GNAT3: variants seen among roughly 807,000 people sequenced by gnomAD.
The protein encoded by GNAT3 is guanine nucleotide-binding protein G(t) subunit alpha-3.
In GNAT3, 31 loss-of-function variants were observed where a neutral mutation model predicts 37.7. That is an observed-to-expected ratio of 0.82 (90% CI 0.62 to 1.11). GNAT3 has a LOEUF of 1.11. Ranked by LOEUF, GNAT3 falls within the 50% of genes most tolerant of loss-of-function variation. The probability of loss-of-function intolerance (pLI) is 0.00; values close to 1 mark genes in which losing one functional copy is unlikely to be tolerated. For missense variants in GNAT3, 437 were observed against 412.5 expected, an observed-to-expected ratio of 1.06 and a Z score of -0.51; for synonymous variants, 138 against 139.8, an observed-to-expected ratio of 0.99 and a Z score of 0.09.
At chr7:80,487,916 G>A (rs1382770305) in intron 3 of GNAT3, 3 of 151,986 alleles carry the variant, frequency 2.0e-5, no homozygotes, top group Non-Finnish European at 4.4e-5. Context: ...AAAGTAAGTG[G>A]ATTTCAAATA....
intron 1 of GNAT3, among the ~76,000 whole-genome samples, chr7:80,506,324 A>G (rs1221334852): frequency 1.3e-5 from 2 of 152,162 alleles, no homozygotes; most frequent in Non-Finnish European, 2.9e-5. Context: ...GTTTTACTAA[A>G]TGGTTTGCAT....
chr7:80,490,131 G>A (rs942427157), intron 2 of GNAT3, among the ~76,000 whole-genome samples: 1 of 152,106 alleles, frequency 6.6e-6, no homozygotes, highest in Admixed American at 6.6e-5. Flanking sequence ...GACATACTGT[G>A]TTATGTGTTA....
chr7:80,459,813 T>C (rs1790018712), intron 7 of GNAT3, among the ~76,000 whole-genome samples: 1 of 152,204 alleles, frequency 6.6e-6, no homozygotes, highest in Non-Finnish European at 1.5e-5. Context: ...CCATATAACA[T>C]GGCTAAAATC....
chr7:80,477,750 C>T (rs1017648807), intron 4 of GNAT3, among the ~76,000 whole-genome samples: 6 of 151,940 alleles, frequency 3.9e-5, no homozygotes, highest in Admixed American at 1.3e-4. Flanking sequence ...CTTCTGTTGG[C>T]GGGGAGAGGG....
intron 1 of GNAT3, among the ~76,000 whole-genome samples, chr7:80,508,700 A>G (rs1284226058): frequency 6.6e-6 from 1 of 152,052 alleles, no homozygotes; most frequent in East Asian, 1.9e-4. Flanking sequence ...TGAAAGGTGT[A>G]ATAAAAAAAG....
At chr7:80,495,670 C>T (rs1359940326) in intron 1 of GNAT3, among the ~76,000 whole-genome samples, 12 of 151,990 alleles carry the variant, frequency 7.9e-5, no homozygotes, top group African/African-American at 2.4e-4. Context: ...GGTTTTACTA[C>T]GTTGGCTAGG....
At chr7:80,494,333 A>C (rs1006956748) in intron 2 of GNAT3, among the ~76,000 whole-genome samples, 1 of 152,206 alleles carries the variant, frequency 6.6e-6, no homozygotes, top group Non-Finnish European at 1.5e-5. Context: ...AAAGTCCTTG[A>C]TATCCCCAGA....
In GNAT3 at chr7:80,458,846, T is replaced by G; in HGVS notation, c.890A>C (p.Glu297Ala). Residue 297 changes from glutamate to alanine, a missense_variant, in exon 8 of 8, where the codon GAA becomes GCA. Glu to Ala is a moderately radical substitution (Grantham distance 107). Coordinates refer to ENST00000398291, the MANE Select transcript of GNAT3 (RefSeq NM_001102386.3). The part of the protein sequence containing the change: ...FPEYTGPNTF[E>A]DAGNYIKNQF... The stretch of plus-strand genomic sequence containing the variant: ...GTTCTTGATGTAGTTTCCTGCATCT[T>G]CAAATGTATTTGGCCCTTGTTAAAC... The G allele has an allele frequency of 6.3e-7, 1 of 1,582,476 alleles. No individual in the cohort carries two copies. The highest frequency in any genetic ancestry group is 8.6e-7 in the Non-Finnish European group (1 of 1,166,106).
At chr7:80,475,968 C>A (rs759405796) in intron 4 of GNAT3, among the ~76,000 whole-genome samples, 1 of 151,900 alleles carries the variant, frequency 6.6e-6, no homozygotes, top group Non-Finnish European at 1.5e-5. Context: ...GCAGGATTTG[C>A]TAGTGTATTT....
chr7:80,497,384 C>G (rs1411832937), intron 1 of GNAT3, among the ~76,000 whole-genome samples: 1 of 151,906 alleles, frequency 6.6e-6, no homozygotes, highest in African/African-American at 2.4e-5. Context: ...GTAGGAAGTG[C>G]ATCACTTTGG....
intron 1 of GNAT3, among the ~76,000 whole-genome samples, chr7:80,495,976 C>A (rs1361188387): frequency 6.6e-6 from 1 of 152,084 alleles, no homozygotes; most frequent in Non-Finnish European, 1.5e-5. Flanking sequence ...GCATAGCTTG[C>A]AAATGTTTTC....
At chr7:80,485,198 ACT>A (rs1365694186) in intron 3 of GNAT3, among the ~76,000 whole-genome samples, 1 of 149,402 alleles carries the variant, frequency 6.7e-6, no homozygotes, top group African/African-American at 2.5e-5. Context: ...TCTTCCCTAG[ACT>A]CTGTTATCCC....
intron 1 of GNAT3, among the ~76,000 whole-genome samples, chr7:80,496,848 C>A (rs927141693): frequency 6.7e-6 from 1 of 149,486 alleles, no homozygotes; most frequent in African/African-American, 2.5e-5. Flanking sequence ...TTCAGGACAA[C>A]TTTTCTTTTT....
chr7:80,496,319 C>T lies in GNAT3; in HGVS notation c.119-1672G>A, dbSNP rs1790715299. ...TTAATTTTTGTATTTTTAGTAGAGA[C>T]AGGGTTTCACCATTTTGGTTAGGCT... On this transcript the variant is annotated intron_variant, in intron 1 of 7. Coordinates refer to ENST00000398291, the MANE Select transcript of GNAT3 (RefSeq NM_001102386.3). Among the ~76,000 whole-genome samples, 5 of 152,078 alleles carry T rather than the reference C, an allele frequency of 3.3e-5. No individual in the cohort carries two copies. The South Asian group carries it at 8.3e-4, about 25-fold the overall frequency.
intron 1 of GNAT3, among the ~76,000 whole-genome samples, chr7:80,504,402 G>A (rs1440255211): frequency 6.6e-6 from 1 of 152,166 alleles, no homozygotes; most frequent in Middle Eastern, 3.2e-3. Flanking sequence ...TACTAGAGAA[G>A]AGCATATATA....
At position 80,474,301 on chromosome 7, in the gene GNAT3, T is replaced by G; in HGVS notation, c.540A>C (p.Lys180Asn). The G allele has an allele frequency of 6.3e-7, 1 of 1,589,264 alleles. No homozygotes were observed. The highest frequency in any genetic ancestry group is 8.6e-7 in the Non-Finnish European group (1 of 1,165,530). Residue 180 changes from lysine (K) to asparagine (N), a missense_variant, in exon 5 of 8, where the codon AAA becomes AAC. Physicochemically the swap from Lys to Asn is moderately conservative, Grantham distance 94. Coordinates refer to ENST00000398291, the MANE Select transcript of GNAT3 (RefSeq NM_001102386.3). ...ATTGAGTTTCAATGATTCCAGTCGTTTTCACTCGAGAATGGAGAACATCTT... is the reference window on the plus strand; with the variant it reads ...ATTGAGTTTCAATGATTCCAGTCGTGTTCACTCGAGAATGGAGAACATCTT... ...NEQDVLHSRV[K>N]TTGIIETQFS...
chr7:80,479,369 A>G (rs1790353756), intron 3 of GNAT3, among the ~76,000 whole-genome samples: 1 of 152,108 alleles, frequency 6.6e-6, no homozygotes, highest in Non-Finnish European at 1.5e-5. Context: ...TTAATCTGGT[A>G]TCTTCTTCTT....
At chr7:80,503,059 A>C (rs200510517) in intron 1 of GNAT3, among the ~76,000 whole-genome samples, 1 of 152,008 alleles carries the variant, frequency 6.6e-6, no homozygotes, top group South Asian at 2.1e-4. Flanking sequence ...TATTTTTTTT[A>C]AAAAAAGCCA....
intron 4 of GNAT3, among the ~76,000 whole-genome samples, 162 bp from the exon 5 acceptor site, chr7:80,474,541 G>C (rs996015153): frequency 6.6e-6 from 1 of 151,948 alleles, no homozygotes; most frequent in African/African-American, 2.4e-5. Flanking sequence ...TGAATTTTTA[G>C]CGTAGGTTCT....
Sources: gnomAD v4.1 joint callset for allele counts (sites outside exome capture counted in the v4.1 genomes callset) on GRCh38, gnomAD v4.1.1 for gene constraint, MANE v1.5 for transcripts, NCBI Gene and HGNC (gene_info 2026-07-23, HGNC 2026-07-21) for gene names.